Variants in ANKRD30BL observed in about 807,000 individuals in gnomAD.
ANKRD30BL encodes ankyrin repeat domain 30B like, also known as putative ankyrin repeat domain-containing protein 30B-like.
Under a neutral mutation model 18.4 loss-of-function variants are expected in ANKRD30BL, and 20 were observed. The ratio of observed to expected loss-of-function variants is 1.09; its 90% CI spans 0.77 to 1.58. The LOEUF (loss-of-function observed/expected upper bound fraction) is 1.58. ANKRD30BL is among the 40% of genes most tolerant of loss of function. The probability of loss-of-function intolerance (pLI) is 0.00; values close to 1 mark genes in which losing one functional copy is unlikely to be tolerated. For synonymous variants in ANKRD30BL, 72 were observed against 100.9 expected (o/e 0.71, Z 1.72); for missense variants, 224 against 268.6 (o/e 0.83, Z 1.16).
chr2:132,172,382 T>A (rs551249202), intron 1 of ANKRD30BL, among the ~76,000 whole-genome samples: 1 of 152,290 alleles, frequency 6.6e-6, no homozygotes, highest in Admixed American at 6.5e-5. Flanking sequence ...TCACTAACAC[T>A]TGTTATTTTC....
chr2:132,254,758 CCTCT>C (rs1680774677), intron 1 of ANKRD30BL, among the ~76,000 whole-genome samples: 1 of 152,210 alleles, frequency 6.6e-6, no homozygotes. Context: ...GCCACTTGTC[CCTCT>C]AAGAAGTTGG....
At chr2:132,172,842 G>A (rs924717042) in intron 1 of ANKRD30BL, among the ~76,000 whole-genome samples, 1 of 151,980 alleles carries the variant, frequency 6.6e-6, no homozygotes, top group African/African-American at 2.4e-5. Context: ...CAAGTAGCTG[G>A]GATTACAGGT....
chr2:132,186,471 T>G (rs1234316129), intron 1 of ANKRD30BL, among the ~76,000 whole-genome samples: 1 of 152,248 alleles, frequency 6.6e-6, no homozygotes, highest in Non-Finnish European at 1.5e-5. Flanking sequence ...ATTATAAGTC[T>G]TCAGCTAAAA....
intron 1 of ANKRD30BL, among the ~76,000 whole-genome samples, chr2:132,212,818 A>T (rs1208117302): frequency 6.6e-6 from 1 of 151,358 alleles, no homozygotes; most frequent in Non-Finnish European, 1.5e-5. Flanking sequence ...CTCACATAAA[A>T]ACTAGACAGA....
In ANKRD30BL at chr2:132,216,989, T is replaced by A. The variant is rs555022594; in HGVS notation, n.441+40540A>T. On this transcript the variant is annotated intron_variant and non_coding_transcript_variant, in intron 1 of 4. Coordinates refer to the ANKRD30BL transcript ENST00000470729. ...TGATGTGTGAATTCAACTCACAGAG[T>A]TGAACCTTTCTTTTGATAGGGCAGG... is the stretch of plus-strand genomic sequence containing the variant. Among the ~76,000 whole-genome samples, 3 of 152,206 alleles carry A rather than the reference T, an allele frequency of 2.0e-5. No homozygotes were observed. The South Asian group carries it at 6.2e-4, about 32-fold the overall frequency.
chr2:132,188,719 C>A (rs1307549548), intron 1 of ANKRD30BL, among the ~76,000 whole-genome samples: 2 of 142,014 alleles, frequency 1.4e-5, no homozygotes, highest in Non-Finnish European at 2.9e-5. Context: ...CAGAAAACAA[C>A]AACAACAACA....
At chr2:132,199,887 G>GATGAATATTGATGCAAAAATCCTCA in intron 1 of ANKRD30BL, among the ~76,000 whole-genome samples, 2 of 152,128 alleles carry the variant, frequency 1.3e-5, no homozygotes, top group Non-Finnish European at 2.9e-5. Flanking sequence ...CAATATCCTT[G>GATGAATATTGATGCAAAAATCCTCA]ATGAACATTG....
At chr2:132,216,124 G>A (rs575410539) in intron 1 of ANKRD30BL, among the ~76,000 whole-genome samples, 47 of 152,128 alleles carry the variant, frequency 3.1e-4, no homozygotes, top group African/African-American at 9.9e-4. Flanking sequence ...CACTCTTTTT[G>A]TAGAATCTGC....
chr2:132,191,705 T>C (rs981446363), intron 1 of ANKRD30BL, among the ~76,000 whole-genome samples: 1 of 152,098 alleles, frequency 6.6e-6, no homozygotes, highest in Non-Finnish European at 1.5e-5. Flanking sequence ...CATTTTGTTA[T>C]TGTGTTGTTT....
At chr2:132,247,022 G>A (rs367679336) in intron 1 of ANKRD30BL, among the ~76,000 whole-genome samples, 1 of 152,308 alleles carries the variant, frequency 6.6e-6, no homozygotes, top group East Asian at 1.9e-4. Context: ...ACTTCTTTGT[G>A]ATGTTTGCAT....
intron 1 of ANKRD30BL, among the ~76,000 whole-genome samples, chr2:132,211,983 A>AT (rs1679369704): frequency 6.7e-6 from 1 of 149,676 alleles, no homozygotes; most frequent in Non-Finnish European, 1.5e-5. Context: ...GAGTTCAAAC[A>AT]TGCTTTAGAT....
At chr2:132,190,889 A>T (rs1043466131) in intron 1 of ANKRD30BL, among the ~76,000 whole-genome samples, 3 of 152,160 alleles carry the variant, frequency 2.0e-5, no homozygotes, top group African/African-American at 7.2e-5. Flanking sequence ...CTTCCAAAAC[A>T]TACTATTGTA....
chr2:132,246,661 A>T lies in ANKRD30BL; in HGVS notation n.441+10868T>A, dbSNP rs953882148. Reference sequence around the variant, plus strand: ...CTTCACATAAAAACTAGAAAGAAACATTCTCAGAAACTTTTTTGTGATGCT... The same window carrying T: ...CTTCACATAAAAACTAGAAAGAAACTTTCTCAGAAACTTTTTTGTGATGCT... On this transcript the variant is annotated intron_variant and non_coding_transcript_variant, in intron 1 of 4. Coordinates refer to the ANKRD30BL transcript ENST00000470729. 1.2e-4 allele frequency among the ~76,000 whole-genome samples: 18 copies of T among 152,012 alleles called. 1 individual carries two copies. Among genetic ancestry groups the T allele is most frequent in the African/African-American group, 3.9e-4 (16 of 41,434 alleles).
Position 132,232,037 on chromosome 2 carries a change from G to A in ANKRD30BL, n.441+25492C>T, listed in dbSNP as rs981835014. Among the ~76,000 whole-genome samples, 7 of 152,314 alleles carry A rather than the reference G, an allele frequency of 4.6e-5. No individual in the cohort carries two copies. The South Asian group carries it at 8.3e-4, about 18-fold the overall frequency. ...AGTGGGTCCCTGACCCCTGACCCCC[G>A]AGCAGCCTAACTGGGAGGCACTCCC... is the stretch of plus-strand genomic sequence containing the variant. On this transcript the variant is annotated intron_variant and non_coding_transcript_variant, in intron 1 of 4. Transcript: ENST00000470729.
chr2:132,178,255 G>A (rs1688398208), intron 1 of ANKRD30BL, among the ~76,000 whole-genome samples: 1 of 152,184 alleles, frequency 6.6e-6, no homozygotes, highest in Non-Finnish European at 1.5e-5. Flanking sequence ...AAAATGTACG[G>A]CAGAGTAATG....
chr2:132,242,661 G>C (rs12612555), intron 1 of ANKRD30BL, among the ~76,000 whole-genome samples: 1 of 151,550 alleles, frequency 6.6e-6, no homozygotes, highest in African/African-American at 2.4e-5. Context: ...TGTAGAATCT[G>C]CAAGTGGATA....
intron 1 of ANKRD30BL, among the ~76,000 whole-genome samples, chr2:132,177,059 C>T (rs1223838126): frequency 6.6e-6 from 1 of 152,128 alleles, no homozygotes; most frequent in Non-Finnish European, 1.5e-5. Flanking sequence ...TTGCCAAAAC[C>T]TTAAACTTAA....
chr2:132,198,316 C>CTT (rs1558928571), intron 1 of ANKRD30BL, among the ~76,000 whole-genome samples: 2 of 11,532 alleles, frequency 1.7e-4, no homozygotes, highest in African/African-American at 4.3e-4. Context: ...TTCTTTCTTT[C>CTT]TTTCTTTCTT....
intron 1 of ANKRD30BL, among the ~76,000 whole-genome samples, chr2:132,183,421 AC>A (rs976947665): frequency 1.2e-4 from 18 of 152,206 alleles, no homozygotes; most frequent in Admixed American, 2.0e-4. Context: ...GAATCACTGC[AC>A]CCGGCCACTT....
Sources: gnomAD v4.1 joint callset for allele counts (sites outside exome capture counted in the v4.1 genomes callset) on GRCh38, gnomAD v4.1.1 for gene constraint, MANE v1.5 for transcripts, NCBI Gene and HGNC (gene_info 2026-07-23, HGNC 2026-07-21) for gene names.